Variants in CEP83 observed in about 807,000 individuals in gnomAD.
CEP83 encodes centrosomal protein of 83 kDa.
A neutral mutation model predicts 101.9 loss-of-function variants in CEP83; 70 were observed. The ratio of observed to expected loss-of-function variants is 0.69; its 90% CI spans 0.57 to 0.84. CEP83 has a LOEUF of 0.84. CEP83 is among the 40% of genes least tolerant of loss of function. CEP83 has a pLI of 0.00. For missense variants in CEP83, 715 were observed against 787.2 expected (o/e 0.91, Z 1.10); for synonymous variants, 264 against 267.9 (o/e 0.99, Z 0.14).
intron 15 of CEP83, among the ~76,000 whole-genome samples, chr12:94,310,933 A>G (rs999481083): frequency 2.0e-5 from 3 of 152,136 alleles, no homozygotes; most frequent in Non-Finnish European, 4.4e-5. Flanking sequence ...TTGTATATTA[A>G]TAAGATAACT....
chr12:94,345,577 C>T (rs1260676000), intron 11 of CEP83, among the ~76,000 whole-genome samples: 3 of 152,240 alleles, frequency 2.0e-5, no homozygotes, highest in Non-Finnish European at 1.5e-5. Context: ...AGGCAGGCCA[C>T]ACACACTAAA....
chr12:94,297,395 T>C, the CEP83 span: 1 of 1,613,680 alleles, frequency 6.2e-7, no homozygotes, highest in African/African-American at 1.3e-5. Flanking sequence ...GTAAAAGAAA[T>C]GTATCTGACA....
At position 94,308,863 on chromosome 12, in the gene CEP83, C is replaced by G. The variant is rs1293369087; in HGVS notation, c.2056G>C (p.Glu686Gln). The change falls in exon 17 of 17, where the codon GAA (glutamate) becomes CAA (glutamine). Residue 686 changes from glutamate to glutamine, a missense_variant. Coordinates refer to ENST00000397809, the MANE Select transcript of CEP83 (RefSeq NM_016122.3). ...TCTAGTTGTTTTCTTTGTGTTGTTT[C>G]CAGTTCTTCTAGTCTTTTGCGAAGT... ...SLLRKRLEEL[E>Q]TTQRKQLEEL... is the part of the protein sequence containing the mutation. 6.2e-7 allele frequency: 1 copy of G among 1,612,940 alleles called. No homozygotes were observed. The highest frequency in any genetic ancestry group is 1.3e-5 in the African/African-American group (1 of 74,962).
downstream of CEP83, chr12:94,307,394 G>A (rs7308253): frequency 1.6e-3 from 248 of 152,292 alleles, no homozygotes; most frequent in African/African-American, 5.8e-3. Context: ...GATGTGTGCT[G>A]AAGACAATCA....
intron 2 of CEP83, among the ~76,000 whole-genome samples, chr12:94,430,398 T>C (rs959730790): frequency 1.3e-5 from 2 of 150,098 alleles, no homozygotes; most frequent in South Asian, 4.2e-4. Context: ...AGAATATGAA[T>C]GAGAAATTTA....
At chr12:94,379,092 A>G in intron 6 of CEP83, 50 bp from the exon 7 acceptor site, 1 of 1,417,144 alleles carries the variant, frequency 7.1e-7, no homozygotes, top group Non-Finnish European at 9.7e-7. Flanking sequence ...TTAAATTTTC[A>G]GTCATGAACA....
the CEP83 span, chr12:94,297,330 G>A: frequency 1.1e-5 from 17 of 1,613,824 alleles, no homozygotes; most frequent in East Asian, 1.6e-4. Flanking sequence ...TACCAGATTC[G>A]GAAGCATTCC....
the CEP83 span, among the ~76,000 whole-genome samples, chr12:94,274,730 G>A: frequency 6.6e-6 from 1 of 152,172 alleles, no homozygotes; most frequent in African/African-American, 2.4e-5. Context: ...TCCAAAGGCA[G>A]GATCACCGAG....
intron 4 of CEP83, among the ~76,000 whole-genome samples, chr12:94,405,262 T>TTC (rs2063472019): frequency 8.5e-5 from 13 of 152,100 alleles, no homozygotes; most frequent in Admixed American, 7.9e-4. Context: ...TGAACAAAGG[T>TTC]GGGATATTAA....
intron 14 of CEP83, among the ~76,000 whole-genome samples, chr12:94,327,304 T>C (rs2059012092): frequency 6.6e-6 from 1 of 152,226 alleles, no homozygotes; most frequent in Non-Finnish European, 1.5e-5. Flanking sequence ...TCAATGATCA[T>C]GTTAATGACC....
intron 8 of CEP83, among the ~76,000 whole-genome samples, chr12:94,372,901 T>C (rs1773961994): frequency 6.6e-6 from 1 of 152,210 alleles, no homozygotes; most frequent in Non-Finnish European, 1.5e-5. Context: ...CTAACATCAC[T>C]GATGCATCAC....
At chr12:94,370,449 T>C (rs1406101129) in intron 8 of CEP83, among the ~76,000 whole-genome samples, 1 of 152,186 alleles carries the variant, frequency 6.6e-6, no homozygotes, top group African/African-American at 2.4e-5. Context: ...TCATAGCTCA[T>C]TTCAACTTCA....
downstream of CEP83, among the ~76,000 whole-genome samples, chr12:94,302,567 G>A (rs778595041): frequency 1.3e-5 from 2 of 152,142 alleles, no homozygotes; most frequent in Non-Finnish European, 2.9e-5. Flanking sequence ...ACTAAAAACA[G>A]TTGTTTATGA....
chr12:94,415,592 C>T (rs543855693), intron 2 of CEP83, among the ~76,000 whole-genome samples: 2 of 151,966 alleles, frequency 1.3e-5, no homozygotes, highest in Non-Finnish European at 2.9e-5. Flanking sequence ...AAAACCCCCA[C>T]TATTTAAAAT....
At chr12:94,383,760 G>GT (rs1486534391) in intron 6 of CEP83, among the ~76,000 whole-genome samples, 1 of 151,918 alleles carries the variant, frequency 6.6e-6, no homozygotes, top group Non-Finnish European at 1.5e-5. Flanking sequence ...TGTTTTAAAT[G>GT]TATCTCCTTG....
intron 11 of CEP83, among the ~76,000 whole-genome samples, chr12:94,357,595 C>T (rs1565979346): frequency 6.6e-6 from 1 of 152,146 alleles, no homozygotes; most frequent in Non-Finnish European, 1.5e-5. Context: ...ATGTCTGTCC[C>T]CTGCCACAGC....
At chr12:94,379,487 T>C (rs1161224552) in intron 6 of CEP83, among the ~76,000 whole-genome samples, 2 of 152,182 alleles carry the variant, frequency 1.3e-5, no homozygotes, top group Non-Finnish European at 2.9e-5. Flanking sequence ...ACACAAAAAC[T>C]GCCTGTCTGT....
At chr12:94,269,844 C>CA in the CEP83 span, among the ~76,000 whole-genome samples, 25 of 152,178 alleles carry the variant, frequency 1.6e-4, no homozygotes, top group Non-Finnish European at 3.4e-4. Context: ...GCTTCCTGAT[C>CA]AAAGAGTGAA....
intron 2 of CEP83, among the ~76,000 whole-genome samples, chr12:94,423,492 T>G (rs1463070418): frequency 1.6e-5 from 2 of 122,952 alleles, no homozygotes; most frequent in African/African-American, 6.1e-5. Flanking sequence ...AAAAAAAGTT[T>G]TTTTGATCTC....
Sources: allele counts gnomAD v4.1 joint callset (sites outside exome capture counted in the v4.1 genomes callset), GRCh38; gene constraint gnomAD v4.1.1; transcripts MANE v1.5; gene names NCBI Gene and HGNC (gene_info 2026-07-23, HGNC 2026-07-21).